The following CSMD1 variants were observed in gnomAD, a reference collection of about 807,000 sequenced individuals.
CSMD1 encodes CUB and sushi domain-containing protein 1.
CSMD1 carries 213 observed loss-of-function variants against 417.5 expected under a neutral mutation model. The observed-to-expected ratio is 0.51, with a 90% CI of 0.46 to 0.57. CSMD1 has a LOEUF of 0.57. CSMD1 is among the 20% of genes least tolerant of loss of function. CSMD1 has a pLI of 0.00. For missense variants in CSMD1, 6,923 were observed against 4,529.7 expected (o/e 1.53, Z -15.17); for synonymous variants, 2,862 against 1,736.8 (o/e 1.65, Z -16.11).
chr8:3,227,243 A>G (rs1233944505), intron 27 of CSMD1, among the ~76,000 whole-genome samples: 1 of 152,070 alleles, frequency 6.6e-6, no homozygotes, highest in Non-Finnish European at 1.5e-5. Context: ...TACTAAAAAT[A>G]CAAAAAAATT....
At chr8:3,305,791 T>C (rs1029988938) in intron 25 of CSMD1, among the ~76,000 whole-genome samples, 4 of 152,166 alleles carry the variant, frequency 2.6e-5, no homozygotes, top group African/African-American at 9.7e-5. Flanking sequence ...ACCATTCTCC[T>C]GCCTCAGCCT....
chr8:3,121,645 T>C (rs966131753), intron 41 of CSMD1, among the ~76,000 whole-genome samples: 1 of 152,048 alleles, frequency 6.6e-6, no homozygotes, highest in Non-Finnish European at 1.5e-5. Flanking sequence ...TATCTAAAGA[T>C]GTAAAAGGCT....
chr8:3,347,904 C>T, intron 22 of CSMD1, 88 bp downstream of exon 22: 1 of 798,918 alleles, frequency 1.3e-6, no homozygotes, highest in Non-Finnish European at 1.9e-6. Context: ...TTAATATGTG[C>T]ATATATCTAT....
chr8:4,191,381 G>T (rs192530238), intron 3 of CSMD1, among the ~76,000 whole-genome samples: 2 of 152,040 alleles, frequency 1.3e-5, no homozygotes, highest in Non-Finnish European at 1.5e-5. Context: ...GGGCAACAGA[G>T]CAAGACTCTG....
rs191550724 is a variant in CSMD1 at position 4,143,596 on chromosome 8, T to C, written c.416-111497A>G. Among the ~76,000 whole-genome samples the C allele has an allele frequency of 1.4e-4, 21 of 151,068 alleles. 1 individual carries two copies. Among genetic ancestry groups the C allele is most frequent in the Admixed American group, 9.9e-4 (15 of 15,218 alleles). ...CACAGTTGTCAACCCCTTTAACTAG[T>C]TGTGATGCCCATGGCACTCTGAGGG... On this transcript the variant is annotated intron_variant, in intron 3 of 69. Coordinates refer to ENST00000635120, the MANE Select transcript of CSMD1 (RefSeq NM_033225.6).
Position 3,096,842 on chromosome 8 carries a change from A to T in CSMD1, c.7138+7T>A. 1 of 1,537,902 alleles carries T rather than the reference A, an allele frequency of 6.5e-7. No homozygotes were observed. ...GTCACTGCTCTACAAAGATTAAAGA[A>T]ACTTACCATCAAACACTTCCAGTGC... On this transcript the variant is annotated splice_region_variant and intron_variant, in intron 47 of 69. Coordinates refer to ENST00000635120, the MANE Select transcript of CSMD1 (RefSeq NM_033225.6).
intron 30 of CSMD1, among the ~76,000 whole-genome samples, chr8:3,207,411 G>C (rs1797363888): frequency 6.6e-6 from 1 of 151,786 alleles, no homozygotes; most frequent in African/African-American, 2.4e-5. Context: ...CCAAAGTGCT[G>C]GGATTACAAA....
At chr8:3,570,187 A>G (rs181262868) in intron 10 of CSMD1, among the ~76,000 whole-genome samples, 2 of 152,374 alleles carry the variant, frequency 1.3e-5, no homozygotes, top group Admixed American at 1.3e-4. Flanking sequence ...TGTTAGCCAT[A>G]AAACTAAAGT....
chr8:4,890,651 G>A (rs966203703), intron 1 of CSMD1, among the ~76,000 whole-genome samples: 3 of 152,004 alleles, frequency 2.0e-5, no homozygotes, highest in Admixed American at 6.6e-5. Context: ...TCCTGGGCAG[G>A]ACAGATGAGA....
intron 3 of CSMD1, among the ~76,000 whole-genome samples, chr8:4,252,747 G>C (rs1325448512): frequency 6.6e-6 from 1 of 152,220 alleles, no homozygotes; most frequent in East Asian, 1.9e-4. Context: ...AGCGCTTTTA[G>C]ATGGGACTGC....
intron 6 of CSMD1, among the ~76,000 whole-genome samples, chr8:3,741,281 G>T (rs945952737): frequency 6.0e-5 from 9 of 150,456 alleles, no homozygotes; most frequent in African/African-American, 2.2e-4. Context: ...GACTCCATGC[G>T]GTAGAGTTTA....
chr8:4,703,248 C>A (rs564835923), intron 1 of CSMD1, among the ~76,000 whole-genome samples: 3 of 152,296 alleles, frequency 2.0e-5, no homozygotes, highest in East Asian at 3.9e-4. Flanking sequence ...TCAACCATGG[C>A]AATGATGGTG....
At chr8:4,186,207 C>T (rs959798928) in intron 3 of CSMD1, among the ~76,000 whole-genome samples, 1 of 152,098 alleles carries the variant, frequency 6.6e-6, no homozygotes, top group African/African-American at 2.4e-5. Context: ...TTGTGGAACA[C>T]TGGAAGCTCA....
chr8:4,059,811 A>C (rs1009196443), intron 3 of CSMD1, among the ~76,000 whole-genome samples: 2 of 151,228 alleles, frequency 1.3e-5, no homozygotes, highest in African/African-American at 2.4e-5. Flanking sequence ...ATAGCTTACC[A>C]ACCAAAAAGA....
At chr8:4,899,405 C>G (rs1804717481) in intron 1 of CSMD1, among the ~76,000 whole-genome samples, 1 of 152,138 alleles carries the variant, frequency 6.6e-6, no homozygotes, top group South Asian at 2.1e-4. Context: ...AGGATATAAA[C>G]ATACTTCTCC....
intron 3 of CSMD1, among the ~76,000 whole-genome samples, chr8:4,071,873 A>T (rs1448149152): frequency 1.3e-5 from 2 of 152,124 alleles, no homozygotes; most frequent in Non-Finnish European, 2.9e-5. Context: ...CTCTGTCCTC[A>T]GCTACCCCAT....
At chr8:4,961,865 T>G (rs916778138) in intron 1 of CSMD1, among the ~76,000 whole-genome samples, 1 of 149,208 alleles carries the variant, frequency 6.7e-6, no homozygotes, top group African/African-American at 2.5e-5. Flanking sequence ...ACTTTAAATT[T>G]TCATCATTTT....
At chr8:3,647,760 C>T (rs552414198) in intron 7 of CSMD1, among the ~76,000 whole-genome samples, 33 of 152,096 alleles carry the variant, frequency 2.2e-4, no homozygotes, top group African/African-American at 7.0e-4. Flanking sequence ...GAGAGTGAGA[C>T]AGAGAGAAAG....
intron 3 of CSMD1, among the ~76,000 whole-genome samples, chr8:4,209,022 C>A (rs535894675): frequency 6.6e-6 from 1 of 152,164 alleles, no homozygotes; most frequent in Non-Finnish European, 1.5e-5. Flanking sequence ...CATAATGAAT[C>A]CAATTGTATT....
Sources: gnomAD v4.1 joint callset for allele counts (sites outside exome capture counted in the v4.1 genomes callset) on GRCh38, gnomAD v4.1.1 for gene constraint, MANE v1.5 for transcripts, NCBI Gene and HGNC (gene_info 2026-07-23, HGNC 2026-07-21) for gene names.